Variants in INPP4B observed in about 807,000 individuals in gnomAD.
INPP4B encodes the protein inositol polyphosphate-4-phosphatase type II B.
INPP4B carries 55 observed loss-of-function variants against 122.5 expected under a neutral mutation model. The observed-to-expected ratio is 0.45, with a 90% CI of 0.36 to 0.56. The LOEUF (loss-of-function observed/expected upper bound fraction) is 0.56, where lower values mean the gene tolerates loss of function less well. Among genes scored for constraint, INPP4B ranks in the 20% least tolerant of loss-of-function variants. The pLI is 0.00. For missense variants in INPP4B, 1,000 were observed against 1,097.7 expected, an observed-to-expected ratio of 0.91 and a Z score of 1.26; for synonymous variants, 403 against 388.7, an observed-to-expected ratio of 1.04 and a Z score of -0.43.
At chr4:142,798,406 C>T (rs1580941872) in intron 1 of INPP4B, among the ~76,000 whole-genome samples, 1 of 151,876 alleles carries the variant, frequency 6.6e-6, no homozygotes, top group Middle Eastern at 3.4e-3. Flanking sequence ...CATGAAAAAA[C>T]TTATTATGGT....
chr4:142,786,693 A>G (rs1338802567), intron 1 of INPP4B, among the ~76,000 whole-genome samples: 1 of 152,124 alleles, frequency 6.6e-6, no homozygotes, highest in African/African-American at 2.4e-5. Context: ...TGTACCCTCA[A>G]TATGGTATGA....
At chr4:142,406,742 C>T (rs776106130) in intron 5 of INPP4B, among the ~76,000 whole-genome samples, 8 of 152,274 alleles carry the variant, frequency 5.3e-5, no homozygotes, top group Admixed American at 3.3e-4. Flanking sequence ...ATGGAAAAAA[C>T]ATAATAGCTA....
At chr4:142,824,471 G>A (rs1322467083) in intron 1 of INPP4B, among the ~76,000 whole-genome samples, 2 of 152,060 alleles carry the variant, frequency 1.3e-5, no homozygotes, top group African/African-American at 4.8e-5. Flanking sequence ...TAGTTGTTAA[G>A]TGTTGCCTTC....
At chr4:142,197,915 A>C (rs1458652341) in intron 14 of INPP4B, among the ~76,000 whole-genome samples, 1 of 152,176 alleles carries the variant, frequency 6.6e-6, no homozygotes, top group Non-Finnish European at 1.5e-5. Context: ...TCACTAAACA[A>C]AAAAACTTAT....
In INPP4B at chr4:142,024,689, T is replaced by C. The variant is rs1380643216; in HGVS notation, c.*4093A>G. On this transcript the variant is annotated 3_prime_UTR_variant, in exon 26 of 26. Transcript: ENST00000262992. ...CAGTTTTGGTTTCAATTGAGCTATA[T>C]TTATTAGAATCTGGGCACAGTAATA... 6.6e-6 allele frequency: 1 copy of C among 152,148 alleles called. No homozygotes were observed. Among genetic ancestry groups the C allele is most frequent in the East Asian group, 1.9e-4 (1 of 5,194 alleles). The allele number at this position is 152,148 out of a possible 1,614,324, so 9.4% of individuals were successfully genotyped here.
chr4:142,492,482 G>C (rs1822006355), intron 2 of INPP4B, among the ~76,000 whole-genome samples: 1 of 152,172 alleles, frequency 6.6e-6, no homozygotes, highest in Admixed American at 6.5e-5. Flanking sequence ...GAACTTCCTA[G>C]AGACTTGTTG....
intron 7 of INPP4B, among the ~76,000 whole-genome samples, chr4:142,399,142 G>T (rs942196117): frequency 6.9e-6 from 1 of 144,734 alleles, no homozygotes; most frequent in African/African-American, 2.5e-5. Context: ...GGGAAAAAGA[G>T]ACAAAGTTTT....
chr4:142,528,422 G>A (rs975990191), intron 2 of INPP4B, among the ~76,000 whole-genome samples: 7 of 152,018 alleles, frequency 4.6e-5, no homozygotes, highest in African/African-American at 7.2e-5. Flanking sequence ...TTTTAGGTCC[G>A]AGGACCTCAG....
intron 2 of INPP4B, among the ~76,000 whole-genome samples, chr4:142,522,726 A>G (rs1826263422): frequency 6.6e-6 from 1 of 152,072 alleles, no homozygotes; most frequent in Non-Finnish European, 1.5e-5. Flanking sequence ...CAATAAGAAC[A>G]TGGGTTTTCA....
In INPP4B at chr4:142,028,359, A is replaced by ATTAAG. The variant is rs1418549343; in HGVS notation, c.*418_*422dup. On this transcript the variant is annotated 3_prime_UTR_variant, in exon 26 of 26. Coordinates refer to ENST00000262992, the MANE Select transcript of INPP4B (RefSeq NM_001101669.3). ...CAGGTTGACTGTGTTCTCATAGGCT[A>ATTAAG]TTAAGTTGTATCACAAAAAAAATAT... is the stretch of plus-strand genomic sequence containing the variant. 8.6e-6 allele frequency: 2 copies of ATTAAG among 233,488 alleles called. No homozygotes were observed. Among genetic ancestry groups the ATTAAG allele is most frequent in the African/African-American group, 2.2e-5 (1 of 45,272 alleles). 14.5% of individuals were successfully genotyped at this position (233,488 alleles called of 1,614,324 possible). A position where few individuals can be genotyped will look rare whatever the true frequency, so the allele number is the denominator to read the frequency against.
chr4:142,248,630 A>ATG (rs35550228), intron 11 of INPP4B, among the ~76,000 whole-genome samples: 3,286 of 148,630 alleles, frequency 0.022, 38 homozygotes, highest in Middle Eastern at 0.086. Context: ...CACTCTCTGT[A>ATG]TGTGTGTGTG....
At chr4:142,552,734 A>G (rs999501038) in intron 2 of INPP4B, among the ~76,000 whole-genome samples, 6 of 152,204 alleles carry the variant, frequency 3.9e-5, no homozygotes, top group Non-Finnish European at 8.8e-5. Flanking sequence ...TTATTACATT[A>G]TGTCTTAATA....
intron 23 of INPP4B, among the ~76,000 whole-genome samples, chr4:142,100,913 T>C (rs1784194298): frequency 1.3e-5 from 2 of 152,112 alleles, no homozygotes; most frequent in Admixed American, 6.6e-5. Flanking sequence ...AAATGTGAAC[T>C]GTTCAGAGGA....
intron 2 of INPP4B, among the ~76,000 whole-genome samples, chr4:142,535,937 C>T (rs1331872991): frequency 6.6e-6 from 1 of 152,148 alleles, no homozygotes; most frequent in Non-Finnish European, 1.5e-5. Context: ...CTCAGACTCC[C>T]TATGTCTACA....
chr4:142,484,927 T>C (rs111251875), intron 2 of INPP4B, among the ~76,000 whole-genome samples: 13 of 152,246 alleles, frequency 8.5e-5, no homozygotes, highest in African/African-American at 3.1e-4. Context: ...CTAATAATGC[T>C]CTATATTTTT....
chr4:142,320,426 A>C (rs934239915), intron 7 of INPP4B, among the ~76,000 whole-genome samples: 2 of 152,312 alleles, frequency 1.3e-5, no homozygotes, highest in African/African-American at 4.8e-5. Context: ...TAATCAAGAA[A>C]TAAACTTCCA....
chr4:142,793,766 C>A (rs1193206019), intron 1 of INPP4B, among the ~76,000 whole-genome samples: 3 of 151,678 alleles, frequency 2.0e-5, no homozygotes, highest in Non-Finnish European at 4.4e-5. Flanking sequence ...AAAACACCAG[C>A]AGCAAGGAGT....
At chr4:142,702,715 A>G (rs1761961431) in intron 2 of INPP4B, among the ~76,000 whole-genome samples, 1 of 143,674 alleles carries the variant, frequency 7.0e-6, no homozygotes, top group Non-Finnish European at 1.5e-5. Context: ...GAGCAACAAA[A>G]TTAAAACTCC....
chr4:142,769,487 G>A (rs559741744), intron 1 of INPP4B, among the ~76,000 whole-genome samples: 5 of 152,252 alleles, frequency 3.3e-5, no homozygotes, highest in Admixed American at 6.5e-5. Flanking sequence ...CTATATTATC[G>A]TTAGAGTAGA....
Sources: allele counts gnomAD v4.1 joint callset (sites outside exome capture counted in the v4.1 genomes callset), GRCh38; gene constraint gnomAD v4.1.1; transcripts MANE v1.5; gene names NCBI Gene and HGNC (gene_info 2026-07-23, HGNC 2026-07-21).